Variants in ESYT1 observed in about 807,000 individuals in gnomAD.
ESYT1 encodes the protein extended synaptotagmin 1.
ESYT1 carries 116 observed loss-of-function variants against 154.2 expected under a neutral mutation model. The ratio of observed to expected loss-of-function variants is 0.75; its 90% CI spans 0.65 to 0.88. The LOEUF (loss-of-function observed/expected upper bound fraction) is 0.88. ESYT1 is among the 40% of genes least tolerant of loss of function. The pLI is 0.00. For missense variants in ESYT1, 1,264 were observed against 1,379.3 expected, an observed-to-expected ratio of 0.92 and a Z score of 1.32; for synonymous variants, 500 against 539.9, an observed-to-expected ratio of 0.93 and a Z score of 1.02.
In ESYT1 at chr12:56,144,096, C is replaced by G; in HGVS notation, c.*234C>G. ...CCCCTGGGGCGGGGACCTGAGCTGG[C>G]TGTTTCCTGCTTTGCCTGCACATTG... On this transcript the variant is annotated 3_prime_UTR_variant, in exon 31 of 31. Coordinates refer to ENST00000394048, the MANE Select transcript of ESYT1 (RefSeq NM_015292.3). The G allele has an allele frequency of 7.0e-7, 1 of 1,418,756 alleles. No individual in the cohort carries two copies. Among genetic ancestry groups the G allele is most frequent in the East Asian group, 2.6e-5 (1 of 39,102 alleles). 87.9% of individuals were successfully genotyped at this position (1,418,756 alleles called of 1,614,324 possible).
intron 1 of ESYT1, 140 bp from the exon 2 acceptor site, chr12:56,130,442 G>A: frequency 1.0e-6 from 1 of 961,098 alleles, no homozygotes; most frequent in Non-Finnish European, 1.7e-6. Flanking sequence ...AACCTTTGGG[G>A]CATCCTCGCC....
intron 24 of ESYT1, among the ~76,000 whole-genome samples, chr12:56,141,510 G>A (rs1592250025): frequency 6.6e-6 from 1 of 152,224 alleles, no homozygotes; most frequent in African/African-American, 2.4e-5. Flanking sequence ...GGAGGCCAAG[G>A]CGGGCAGATC....
chr12:56,129,307 G>T (rs1309111769), intron 1 of ESYT1: 1 of 160,608 alleles, frequency 6.2e-6, no homozygotes, highest in African/African-American at 2.4e-5. Flanking sequence ...GAGGGCTACG[G>T]GAGGAGGTGG....
chr12:56,128,527 T>G lies in ESYT1; in HGVS notation c.208T>G (p.Leu70Val). 1.2e-6 allele frequency: 2 copies of G among 1,613,016 alleles called. No homozygotes were observed. The highest frequency in any genetic ancestry group is 1.7e-6 in the Non-Finnish European group (2 of 1,179,540). The change falls in exon 1 of 31, where the codon TTG (leucine) becomes GTG (valine). Residue 70 changes from leucine to valine, a missense_variant. By Grantham distance (32) the Leu-to-Val change is conservative. Coordinates refer to ENST00000394048, the MANE Select transcript of ESYT1 (RefSeq NM_015292.3). ...GTTGCTGGTGCTGATACCTGTGTATTTGGCCGGGGCAGTGGGACTCAGCGT... is the reference window on the plus strand; with the variant it reads ...GTTGCTGGTGCTGATACCTGTGTATGTGGCCGGGGCAGTGGGACTCAGCGT... Reference protein sequence around the residue: ...RRLLVLIPVYLAGAVGLSVGF... With the variant: ...RRLLVLIPVYVAGAVGLSVGF...
intron 24 of ESYT1, among the ~76,000 whole-genome samples, chr12:56,140,304 C>T (rs1870638294): frequency 6.6e-6 from 1 of 152,132 alleles, no homozygotes; most frequent in African/African-American, 2.4e-5. Flanking sequence ...ATCATAGGAG[C>T]TGTTGAATAG....
At chr12:56,139,824 G>GT (rs1278105462) in intron 24 of ESYT1, among the ~76,000 whole-genome samples, 1 of 151,722 alleles carries the variant, frequency 6.6e-6, no homozygotes, top group African/African-American at 2.4e-5. Flanking sequence ...CTGACCTCAG[G>GT]TTATCCATCC....
Position 56,144,546 on chromosome 12 carries a change from C to T in ESYT1, c.*684C>T. The T allele has an allele frequency of 1.0e-6, 1 of 985,538 alleles. No individual in the cohort carries two copies. Among genetic ancestry groups the T allele is most frequent in the South Asian group, 4.7e-5 (1 of 21,294 alleles). The allele number at this position is 985,538 out of a possible 1,614,324, so 61.0% of individuals were successfully genotyped here. A position where few individuals can be genotyped will look rare whatever the true frequency, so the allele number is the denominator to read the frequency against. ...GAGGGCTTTGGAGGACTTGGGACAG[C>T]AGGGCCAATTTTTTTGCCCAAGTGC... On this transcript the variant is annotated 3_prime_UTR_variant, in exon 31 of 31. Coordinates refer to ENST00000394048, the MANE Select transcript of ESYT1 (RefSeq NM_015292.3).
rs202040363 is a variant in ESYT1, at chr12:56,143,554, C to A, written c.3226-26C>A. 2.1e-5 allele frequency: 34 copies of A among 1,613,766 alleles called. 1 individual carries two copies. In the Middle Eastern group the frequency reaches 6.6e-4, roughly 31 times the overall value. On this transcript the variant is annotated intron_variant, in intron 29 of 30. Transcript: ENST00000394048. ...TCTCAAAAAATAAAAGAAATAACAT[C>A]TTTCCCCTATCATCTTCCAACACAG...
intron 1 of ESYT1, 133 bp from the exon 2 acceptor site, chr12:56,130,449 C>T (rs918866085): frequency 1.2e-5 from 13 of 1,057,256 alleles, no homozygotes; most frequent in South Asian, 3.8e-5. Context: ...GGGGCATCCT[C>T]GCCCCTCGCC....
Position 56,144,028 on chromosome 12 carries a change from G to C in ESYT1, c.*166G>C. On this transcript the variant is annotated 3_prime_UTR_variant, in exon 31 of 31. Coordinates refer to ENST00000394048, the MANE Select transcript of ESYT1 (RefSeq NM_015292.3). ...CGGGCCTTTGCCTGACCAAAGAGAAGAACCGTATGTTCCCTTTACTGCACG... is the reference window on the plus strand; with the variant it reads ...CGGGCCTTTGCCTGACCAAAGAGAACAACCGTATGTTCCCTTTACTGCACG... 6.7e-7 allele frequency: 1 copy of C among 1,485,450 alleles called. No individual in the cohort carries two copies. The highest frequency in any genetic ancestry group is 8.9e-7 in the Non-Finnish European group (1 of 1,123,444). The allele number at this position is 1,485,450 out of a possible 1,614,324, so 92.0% of individuals were successfully genotyped here.
intron 24 of ESYT1, 97 bp downstream of exon 24, chr12:56,139,110 C>CT (rs368424488): frequency 0.1 from 67,903 of 648,258 alleles, 3 homozygotes; most frequent in East Asian, 0.13. Context: ...AAAAGGTTGA[C>CT]TTTTTTTTTT....
rs748797569 is a variant in ESYT1, at chr12:56,142,659, G to C, written c.2815G>C (p.Glu939Gln). 6.2e-7 allele frequency: 1 copy of C among 1,614,122 alleles called. No homozygotes were observed. Among genetic ancestry groups the C allele is most frequent in the Non-Finnish European group, 8.5e-7 (1 of 1,180,048 alleles). Residue 939 changes from glutamate to glutamine, a missense_variant, in exon 26 of 31, where the codon GAG (glutamate) becomes CAG (glutamine). By Grantham distance (29) the Glu-to-Gln change is conservative. Coordinates refer to ENST00000394048, the MANE Select transcript of ESYT1 (RefSeq NM_015292.3). This position sits in a 1 kb window ranked among gnomAD's most constrained non-coding sequence, Gnocchi z 4.1. ...HSSSSLSEEP[E>Q]LSGGPPHITS... ...CTCCTCATCGCTGAGTGAAGAACCA[G>C]AGCTCTCGGGGGGACCCCCTCACAT...
chr12:56,137,730 A>G, intron 18 of ESYT1, 55 bp downstream of exon 18: 1 of 1,609,984 alleles, frequency 6.2e-7, no homozygotes, highest in South Asian at 1.1e-5. Context: ...CCCCAATCCC[A>G]AAAGTGGTCC....
rs1016782676 is a variant in ESYT1, at chr12:56,132,792, T to C, written c.1235T>C (p.Phe412Ser). 8 of 1,613,874 alleles carry C rather than the reference T, an allele frequency of 5.0e-6. No homozygotes were observed. Among genetic ancestry groups the C allele is most frequent in the Non-Finnish European group, 6.8e-6 (8 of 1,179,892 alleles). ...GACAAGGATCCAGATAAAGATGACT[T>C]TCTGGGCAGGTGAGACTCTGCCTGT... Reference protein sequence around the residue: ...VFDKDPDKDDFLGRMKLDVGK... With the variant: ...VFDKDPDKDDSLGRMKLDVGK... Residue 412 changes from phenylalanine to serine, a missense_variant, in exon 10 of 31, where the codon TTT (phenylalanine) becomes TCT (serine). Coordinates refer to ENST00000394048, the MANE Select transcript of ESYT1 (RefSeq NM_015292.3).
Position 56,134,136 on chromosome 12 carries a change from C to A in ESYT1, c.1500C>A (p.Asn500Lys), listed in dbSNP as rs770604720. The A allele has an allele frequency of 6.2e-7, 1 of 1,614,112 alleles. No individual in the cohort carries two copies. The highest frequency in any genetic ancestry group is 1.7e-5 in the Admixed American group (1 of 60,010). Reference protein sequence around the residue: ...LPLKKGNKEPNPMVQLSIQDV... With the variant: ...LPLKKGNKEPKPMVQLSIQDV... ...TGAAGAAGGGGAACAAGGAACCCAA[C>A]CCTATGGTACAACTGTCAATTCAGG... The change falls in exon 14 of 31, where the codon AAC becomes AAA. Residue 500 changes from asparagine to lysine, a missense_variant. By Grantham distance (94) the Asn-to-Lys change is moderately conservative (BLOSUM62 0). Coordinates refer to ENST00000394048, the MANE Select transcript of ESYT1 (RefSeq NM_015292.3).
Position 56,142,706 on chromosome 12 carries a change from C to G in ESYT1, c.2862C>G (p.Leu954=), listed in dbSNP as rs1870754811. ...PPHITSSAPE[L]RQRLTHVDSP... ...ACATCACCTCCTCAGCCCCAGAGCTCCGGCAGCGCCTAACACATGTTGACA... is the reference window on the plus strand; with the variant it reads ...ACATCACCTCCTCAGCCCCAGAGCTGCGGCAGCGCCTAACACATGTTGACA... The change falls in exon 26 of 31, where the codon CTC becomes CTG. Residue 954 remains leucine (L), a synonymous_variant. Transcript: ENST00000394048. The surrounding 1 kb of genome is among the most constrained non-coding windows in gnomAD (Gnocchi z 4.1). 6.2e-7 allele frequency: 1 copy of G among 1,613,968 alleles called. No individual in the cohort carries two copies. Among genetic ancestry groups the G allele is most frequent in the Non-Finnish European group, 8.5e-7 (1 of 1,180,038 alleles).
At chr12:56,133,899 C>T in intron 13 of ESYT1, 26 bp downstream of exon 13, 1 of 1,606,526 alleles carries the variant, frequency 6.2e-7, no homozygotes, top group South Asian at 1.1e-5. Context: ...TGAACAGGAG[C>T]CCTGGATGTA....
chr12:56,132,976 G>A (rs1385532934), intron 10 of ESYT1, among the ~76,000 whole-genome samples, 175 bp downstream of exon 10: 2 of 151,832 alleles, frequency 1.3e-5, no homozygotes, highest in Admixed American at 6.6e-5. Flanking sequence ...AAAATTAGCC[G>A]GGTGTGGTGG....
In ESYT1 at chr12:56,142,251, T is replaced by C; in HGVS notation, c.2593-34T>C. 1.9e-6 allele frequency: 3 copies of C among 1,610,208 alleles called. No homozygotes were observed. The highest frequency in any genetic ancestry group is 1.7e-6 in the Non-Finnish European group (2 of 1,177,326). ...CAGGATTAACTCATTTGTTGATGCA[T>C]TCGCCTCTTGATCATGGTCCTGTTG... is the stretch of plus-strand genomic sequence containing the variant. On this transcript the variant is annotated intron_variant, in intron 24 of 30. Transcript: ENST00000394048. The surrounding 1 kb of genome is among the most constrained non-coding windows in gnomAD (Gnocchi z 4.1).
Sources: gnomAD v4.1 joint callset for allele counts (sites outside exome capture counted in the v4.1 genomes callset) on GRCh38, gnomAD v4.1.1 for gene constraint, Gnocchi (gnomAD v3.1) non-coding constraint, MANE v1.5 for transcripts, NCBI Gene and HGNC (gene_info 2026-07-23, HGNC 2026-07-21) for gene names.